Variants in CNKSR1 observed in about 807,000 individuals in gnomAD.
CNKSR1 encodes CNK homolog protein 1.
CNKSR1 carries 88 observed loss-of-function variants against 95.6 expected under a neutral mutation model. That is an observed-to-expected ratio of 0.92 (90% CI 0.78 to 1.10). CNKSR1 has a LOEUF of 1.10. Among genes scored for constraint, CNKSR1 ranks in the 50% least tolerant of loss-of-function variants. The pLI, the probability that CNKSR1 is intolerant of heterozygous loss-of-function variation, is 0.00. For synonymous variants in CNKSR1, 355 were observed against 369.7 expected, an observed-to-expected ratio of 0.96 and a Z score of 0.46; for missense variants, 836 against 912.0, an observed-to-expected ratio of 0.92 and a Z score of 1.07.
Position 26,181,845 on chromosome 1 carries a change from T to C in CNKSR1, c.393-12T>C. The C allele has an allele frequency of 1.2e-6, 2 of 1,613,784 alleles. No homozygotes were observed. Among genetic ancestry groups the C allele is most frequent in the Non-Finnish European group, 1.7e-6 (2 of 1,179,716 alleles). On this transcript the variant is annotated splice_polypyrimidine_tract_variant and intron_variant, in intron 3 of 20. Transcript: ENST00000361530. The stretch of plus-strand genomic sequence containing the variant: ...TAGTCCCTTAACCACTGTGCTATTC[T>C]TCCCCTGCCAGGTACCTCTTCTCCC...
At position 26,184,287 on chromosome 1, in the gene CNKSR1, G is replaced by A. The variant is rs1557622526; in HGVS notation, c.1000G>A (p.Asp334Asn). ...TCCCGGACCCAGCCCTGCCTGGACA[G>A]GTAGTCTCAAAGCTCCATGGATGCC... is the stretch of plus-strand genomic sequence containing the variant. ...PSPGPSPAWTDSASLGPEPLP... is the reference protein window; with the variant it reads ...PSPGPSPAWTNSASLGPEPLP... The change falls in exon 11 of 21, where the codon GAC (aspartate) becomes AAC (asparagine). Residue 334 changes from aspartate to asparagine, a missense_variant and splice_region_variant. Physicochemically the swap from Asp to Asn is conservative, Grantham distance 23. Coordinates refer to ENST00000361530, the MANE Select transcript of CNKSR1 (RefSeq NM_006314.3). The A allele has an allele frequency of 6.2e-7, 1 of 1,613,792 alleles. No individual in the cohort carries two copies. Among genetic ancestry groups the A allele is most frequent in the Admixed American group, 1.7e-5 (1 of 59,992 alleles).
chr1:26,188,557 G>A (rs760933725), intron 18 of CNKSR1, 41 bp from the exon 19 acceptor site: 3 of 1,611,902 alleles, frequency 1.9e-6, no homozygotes, highest in Non-Finnish European at 2.5e-6. Context: ...AGGGCGTGGA[G>A]CTCAGACAGA....
Position 26,183,145 on chromosome 1 carries a change from A to G in CNKSR1, c.625-52A>G, listed in dbSNP as rs1569877711. On this transcript the variant is annotated intron_variant, in intron 6 of 20. Coordinates refer to ENST00000361530, the MANE Select transcript of CNKSR1 (RefSeq NM_006314.3). ...CTGGTGTCTGGCGGGGGTCCTGCCT[A>G]TTGGCCCTGTTGCCCCCCAGCCCCC... 6 of 1,566,204 alleles carry G rather than the reference A, an allele frequency of 3.8e-6. No individual in the cohort carries two copies. In the Middle Eastern group the frequency reaches 6.7e-4, roughly 175 times the overall value.
chr1:26,183,527 CAGG>C (rs747699953), intron 8 of CNKSR1, 113 bp downstream of exon 8: 74 of 1,227,330 alleles, frequency 6.0e-5, no homozygotes, highest in East Asian at 4.1e-4. Context: ...AGCTGCCTTC[CAGG>C]AGATGAGCCA....
chr1:26,180,922 G>A, intron 3 of CNKSR1, 26 bp downstream of exon 3: 1 of 1,613,788 alleles, frequency 6.2e-7, no homozygotes, highest in Non-Finnish European at 8.5e-7. Context: ...TGACGAGTGA[G>A]GGACTATTGT....
chr1:26,182,119 A>G (rs1245886191), intron 4 of CNKSR1, 178 bp downstream of exon 4: 2 of 748,832 alleles, frequency 2.7e-6, no homozygotes, highest in Non-Finnish European at 4.6e-6. Flanking sequence ...CCTAGCTGGC[A>G]GGGGAATTTT....
Position 26,183,544 on chromosome 1 carries a change from A to G in CNKSR1, c.753+130A>G, listed in dbSNP as rs538208164. 1,579 of 1,114,660 alleles carry G rather than the reference A, an allele frequency of 1.4e-3. 38 individuals carry two copies. The South Asian group carries it at 0.019, about 13-fold the overall frequency. The allele number at this position is 1,114,660 out of a possible 1,614,324, so 69.0% of individuals were successfully genotyped here. A position where few individuals can be genotyped will look rare whatever the true frequency, so the allele number is the denominator to read the frequency against. ...CTGCCTTCCAGGAGATGAGCCAGCT[A>G]AGTCTGGTGAGAGCATCCTCTGCAG... On this transcript the variant is annotated intron_variant, in intron 8 of 20. Coordinates refer to ENST00000361530, the MANE Select transcript of CNKSR1 (RefSeq NM_006314.3).
intron 13 of CNKSR1, 151 bp from the exon 14 acceptor site, chr1:26,184,863 T>G (rs2088719125): frequency 1.1e-6 from 1 of 877,430 alleles, no homozygotes; most frequent in Non-Finnish European, 1.7e-6. Flanking sequence ...ATAAGAAGGG[T>G]CATCCCACCT....
chr1:26,184,035 C>T, intron 9 of CNKSR1, 36 bp from the exon 10 acceptor site: 1 of 1,562,348 alleles, frequency 6.4e-7, no homozygotes, highest in South Asian at 1.1e-5. Context: ...CTTTCAGACC[C>T]CTGTCTCCAT....
At chr1:26,184,327 T>G in intron 11 of CNKSR1, 40 bp downstream of exon 11, 6 of 1,606,918 alleles carry the variant, frequency 3.7e-6, no homozygotes, top group Non-Finnish European at 5.1e-6. Context: ...ACACGGCATC[T>G]GGGCACCCAG....
rs766100080 is a variant in CNKSR1 at position 26,183,768 on chromosome 1, C to T, written c.793C>T (p.Arg265Trp). 7 of 1,613,538 alleles carry T rather than the reference C, an allele frequency of 4.3e-6. No individual in the cohort carries two copies. The highest frequency in any genetic ancestry group is 1.3e-5 in the African/African-American group (1 of 74,938). The change falls in exon 9 of 21, where the codon CGG becomes TGG. Residue 265 changes from arginine (R) to tryptophan (W), a missense_variant. Transcript: ENST00000361530. ...TAAGAACATGGTGAGGGAACTGCTG[C>T]GGGAGCCAGCCGGACTCAGCTTAGT... Reference protein sequence around the residue: ...PRKNMVRELLREPAGLSLVLK... With the variant: ...PRKNMVRELLWEPAGLSLVLK...
At chr1:26,181,632 G>C (rs977144423) in intron 3 of CNKSR1, 2 of 557,822 alleles carry the variant, frequency 3.6e-6, no homozygotes, top group Non-Finnish European at 6.5e-6. Flanking sequence ...TGTCTTTACT[G>C]TCTGTTTCCC....
In CNKSR1 at chr1:26,182,534, C is replaced by T. The variant is rs771388429; in HGVS notation, c.574C>T (p.Leu192=). The part of the protein sequence containing the change: ...HNILVCCPKE[L]LEQKAVLEQV... ...CATCCTGGTCTGCTGCCCCAAGGAG[C>T]TGCTGGAACAGAAGGCCGTGCTCGA... is the stretch of plus-strand genomic sequence containing the variant. Residue 192 remains leucine (L), a synonymous_variant, in exon 6 of 21, where the codon CTG becomes TTG. Transcript: ENST00000361530. 1 of 1,613,862 alleles carries T rather than the reference C, an allele frequency of 6.2e-7. No individual in the cohort carries two copies. The highest frequency in any genetic ancestry group is 1.3e-5 in the African/African-American group (1 of 74,914).
Position 26,188,450 on chromosome 1 carries a change from A to C in CNKSR1, c.1537A>C (p.Ser513Arg). The change falls in exon 18 of 21, where the codon AGT (serine) becomes CGT (arginine). Residue 513 changes from serine to arginine, a missense_variant. Transcript: ENST00000361530. ...GCTGCTCCTCACCCCAGACTGCTAC[A>C]GTGAGACCGAAGCAGAGGACCCGGA... ...APPPREEDCY[S>R]ETEAEDPDDE... 6.2e-7 allele frequency: 1 copy of C among 1,605,848 alleles called. No individual in the cohort carries two copies. Among genetic ancestry groups the C allele is most frequent in the Non-Finnish European group, 8.5e-7 (1 of 1,176,254 alleles).
chr1:26,182,688 G>A, intron 6 of CNKSR1, 104 bp downstream of exon 6: 2 of 1,084,650 alleles, frequency 1.8e-6, no homozygotes, highest in Non-Finnish European at 2.8e-6. Flanking sequence ...GCCATGGCTG[G>A]AAAGCCTTTT....
chr1:26,185,614 G>C (rs1330125710), intron 14 of CNKSR1, among the ~76,000 whole-genome samples: 1 of 151,944 alleles, frequency 6.6e-6, no homozygotes, highest in Non-Finnish European at 1.5e-5. Flanking sequence ...GGATGGTCTC[G>C]ATCTCCTGAC....
At position 26,189,451 on chromosome 1, in the gene CNKSR1, C is replaced by T. The variant is rs757442976; in HGVS notation, c.2045C>T (p.Thr682Ile). The T allele has an allele frequency of 2.5e-6, 4 of 1,614,102 alleles. No homozygotes were observed. In the Admixed American group the frequency reaches 6.7e-5, roughly 27 times the overall value. ...GSSHILTSDS[T>I]EQSPHSLPSD... Reference sequence around the variant, plus strand: ...TCCCACATCTTGACCTCTGACTCCACAGAACAGTCCCCCCACTCCCTGCCC... The same window carrying T: ...TCCCACATCTTGACCTCTGACTCCATAGAACAGTCCCCCCACTCCCTGCCC... Residue 682 changes from threonine (T) to isoleucine (I), a missense_variant, in exon 21 of 21, where the codon ACA (threonine) becomes ATA (isoleucine). Thr to Ile is a moderately conservative substitution (Grantham distance 89). Coordinates refer to ENST00000361530, the MANE Select transcript of CNKSR1 (RefSeq NM_006314.3).
At chr1:26,183,965 C>G in intron 9 of CNKSR1, 106 bp from the exon 10 acceptor site, 1 of 560,750 alleles carries the variant, frequency 1.8e-6, no homozygotes. Flanking sequence ...TAGCTCCCTT[C>G]AGACCCCCCC....
intron 12 of CNKSR1, 29 bp from the exon 13 acceptor site, chr1:26,184,556 C>T (rs761414911): frequency 6.8e-6 from 11 of 1,608,102 alleles, no homozygotes; most frequent in Non-Finnish European, 9.3e-6. Context: ...GACCTAGATC[C>T]TTCTCTCACC....
Sources: gnomAD v4.1 joint callset for allele counts (sites outside exome capture counted in the v4.1 genomes callset) on GRCh38, gnomAD v4.1.1 for gene constraint, MANE v1.5 for transcripts, NCBI Gene and HGNC (gene_info 2026-07-23, HGNC 2026-07-21) for gene names.